The following SLC30A8 variants were observed in gnomAD, a reference collection of about 807,000 sequenced individuals.
The protein encoded by SLC30A8 is proton-coupled zinc antiporter SLC30A8.
Under a neutral mutation model 36.9 loss-of-function variants are expected in SLC30A8, and 27 were observed. That is an observed-to-expected ratio of 0.73 (90% CI 0.54 to 1.01). SLC30A8 has a LOEUF of 1.01. Among genes scored for constraint, SLC30A8 ranks in the 50% least tolerant of loss-of-function variants. The pLI, the probability that SLC30A8 is intolerant of heterozygous loss-of-function variation, is 0.00. For missense variants in SLC30A8, 439 were observed against 452.0 expected (o/e 0.97, Z 0.26); for synonymous variants, 164 against 172.4 (o/e 0.95, Z 0.38).
At chr8:117,086,994 G>A (rs1182480484) in intron 2 of SLC30A8, among the ~76,000 whole-genome samples, 2 of 152,198 alleles carry the variant, frequency 1.3e-5, no homozygotes, top group Admixed American at 6.5e-5. Flanking sequence ...GCTGCTGGCT[G>A]TATGTATATA....
intron 1 of SLC30A8, among the ~76,000 whole-genome samples, chr8:117,142,735 C>T (rs1821711122): frequency 6.6e-6 from 1 of 151,426 alleles, no homozygotes; most frequent in African/African-American, 2.4e-5. Flanking sequence ...CCTTTCCTTC[C>T]CACACAATTT....
At chr8:117,080,970 G>T (rs1425837784) in intron 2 of SLC30A8, among the ~76,000 whole-genome samples, 2 of 152,094 alleles carry the variant, frequency 1.3e-5, no homozygotes, top group South Asian at 2.1e-4. Context: ...GGTCTGTTTT[G>T]TGACAAAAAT....
At chr8:117,005,048 G>A (rs3019879) in intron 1 of SLC30A8, among the ~76,000 whole-genome samples, 74,291 of 151,792 alleles carry the variant, frequency 0.49, 18,546 homozygotes, top group African/African-American at 0.56. Context: ...GGGCAATTCA[G>A]TGGTTTTACT....
chr8:116,997,324 G>T (rs1009839321), intron 1 of SLC30A8, among the ~76,000 whole-genome samples: 3 of 152,076 alleles, frequency 2.0e-5, no homozygotes, highest in Non-Finnish European at 4.4e-5. Flanking sequence ...TTCATTGCAG[G>T]TGAACCATAA....
At chr8:117,155,431 T>A (rs1822428690) in intron 3 of SLC30A8, among the ~76,000 whole-genome samples, 1 of 152,172 alleles carries the variant, frequency 6.6e-6, no homozygotes, top group African/African-American at 2.4e-5. Context: ...GGCTTGGTCC[T>A]CATAAACTTC....
intron 2 of SLC30A8, among the ~76,000 whole-genome samples, chr8:117,120,763 A>G (rs1820661252): frequency 6.6e-6 from 1 of 151,804 alleles, no homozygotes; most frequent in South Asian, 2.1e-4. Flanking sequence ...AAACTCTAAA[A>G]TCAACAAAAA....
rs1006318663 is a variant in SLC30A8 at position 117,161,742 on chromosome 8, A to C, written c.577A>C (p.Thr193Pro). ...GAACATTGTTCTCTCTTTCAGACTA[A>C]CTGTGGTTTTGCACCAGAGATGCCT... is the stretch of plus-strand genomic sequence containing the variant. ...SCAVAANIVL[T>P]VVLHQRCLGH... The change falls in exon 5 of 8, where the codon ACT (threonine) becomes CCT (proline). Residue 193 changes from threonine to proline, a missense_variant. Transcript: ENST00000456015. The C allele has an allele frequency of 2.5e-6, 4 of 1,613,164 alleles. No homozygotes were observed. In the African/African-American group the frequency reaches 5.3e-5, roughly 22 times the overall value.
intron 1 of SLC30A8, among the ~76,000 whole-genome samples, chr8:117,002,546 T>C (rs1009726954): frequency 6.6e-6 from 1 of 152,116 alleles, no homozygotes; most frequent in African/African-American, 2.4e-5. Flanking sequence ...AGAGTAAAAA[T>C]GTGATTTATA....
chr8:116,997,721 C>G (rs538767198), intron 1 of SLC30A8, among the ~76,000 whole-genome samples: 2 of 152,180 alleles, frequency 1.3e-5, no homozygotes, highest in South Asian at 4.2e-4. Flanking sequence ...GAATGAGGAA[C>G]AGGTAGAAAT....
At chr8:116,996,753 T>C (rs1339214917) in intron 1 of SLC30A8, among the ~76,000 whole-genome samples, 2 of 152,168 alleles carry the variant, frequency 1.3e-5, no homozygotes, top group African/African-American at 4.8e-5. Context: ...GTACATTTAT[T>C]TGGTAGCTAT....
At chr8:117,127,717 CAG>C (rs1820965084) in intron 2 of SLC30A8, among the ~76,000 whole-genome samples, 1 of 151,988 alleles carries the variant, frequency 6.6e-6, no homozygotes, top group Non-Finnish European at 1.5e-5. Context: ...TTTTGATTGA[CAG>C]AGTCAGATCT....
intron 2 of SLC30A8, among the ~76,000 whole-genome samples, chr8:117,049,151 G>T (rs1817636131): frequency 6.6e-6 from 1 of 152,120 alleles, no homozygotes; most frequent in Non-Finnish European, 1.5e-5. Flanking sequence ...GAGATTTTGG[G>T]GGTATGCAGG....
At chr8:116,994,228 A>G (rs1815740819) in intron 1 of SLC30A8, among the ~76,000 whole-genome samples, 1 of 152,092 alleles carries the variant, frequency 6.6e-6, no homozygotes, top group Non-Finnish European at 1.5e-5. Flanking sequence ...TGGTGCAACC[A>G]CTTAGGAAAA....
chr8:116,958,517 A>G (rs1476802713), intron 1 of SLC30A8, among the ~76,000 whole-genome samples: 2 of 152,130 alleles, frequency 1.3e-5, no homozygotes, highest in Non-Finnish European at 2.9e-5. Flanking sequence ...TCTTGCTTGC[A>G]TCATTTCCAG....
At chr8:117,050,379 C>G (rs1007198222) in intron 2 of SLC30A8, among the ~76,000 whole-genome samples, 6 of 150,808 alleles carry the variant, frequency 4.0e-5, no homozygotes, top group African/African-American at 1.5e-4. Context: ...AAACTGATTT[C>G]GGGGTTCTTC....
intron 1 of SLC30A8, among the ~76,000 whole-genome samples, chr8:117,144,740 G>C (rs1466344087): frequency 6.6e-6 from 1 of 152,116 alleles, no homozygotes; most frequent in Non-Finnish European, 1.5e-5. Flanking sequence ...GGATCCTCTT[G>C]TGATGCAATC....
At chr8:117,121,314 A>G (rs1326811661) in intron 2 of SLC30A8, among the ~76,000 whole-genome samples, 3 of 151,938 alleles carry the variant, frequency 2.0e-5, no homozygotes, top group African/African-American at 7.2e-5. Flanking sequence ...TCAATCTTAA[A>G]AAGGAAGGGG....
intron 1 of SLC30A8, among the ~76,000 whole-genome samples, chr8:116,977,602 C>A (rs1247561037): frequency 6.6e-6 from 1 of 151,544 alleles, no homozygotes; most frequent in Non-Finnish European, 1.5e-5. Context: ...ACCTCCGCCT[C>A]CCGGGTTCAA....
intron 1 of SLC30A8, among the ~76,000 whole-genome samples, chr8:116,955,048 G>A (rs990349459): frequency 2.6e-5 from 4 of 152,224 alleles, no homozygotes; most frequent in South Asian, 4.1e-4. Context: ...TGTCTGTGAA[G>A]TAGTAAAATT....
Sources: allele counts gnomAD v4.1 joint callset (sites outside exome capture counted in the v4.1 genomes callset), GRCh38; gene constraint gnomAD v4.1.1; transcripts MANE v1.5; gene names NCBI Gene and HGNC (gene_info 2026-07-23, HGNC 2026-07-21).